CYP4F22: variants seen among roughly 807,000 people sequenced by gnomAD.
CYP4F22 encodes the protein cytochrome P450 family 4 subfamily F member 22.
A neutral mutation model predicts 60.4 loss-of-function variants in CYP4F22; 37 were observed. The ratio of observed to expected loss-of-function variants is 0.61; its 90% CI spans 0.47 to 0.81. CYP4F22 has a LOEUF of 0.81. Ranked by LOEUF, CYP4F22 falls within the 30% of genes least tolerant of loss-of-function variation. CYP4F22 has a pLI of 0.00. For missense variants in CYP4F22, 655 were observed against 715.0 expected (o/e 0.92, Z 0.96); for synonymous variants, 258 against 280.5 (o/e 0.92, Z 0.80).
At chr19:15,512,321 T>G (rs2144493545) in intron 1 of CYP4F22, among the ~76,000 whole-genome samples, 1 of 152,278 alleles carries the variant, frequency 6.6e-6, no homozygotes, top group East Asian at 1.9e-4. Flanking sequence ...AAGTGAACAT[T>G]AAATTAAATT....
intron 10 of CYP4F22, among the ~76,000 whole-genome samples, chr19:15,545,648 C>CAAAAAAAA (rs1217096575): frequency 1.8e-3 from 71 of 38,910 alleles, no homozygotes; most frequent in Middle Eastern, 0.021. Flanking sequence ...GACCCTGTCT[C>CAAAAAAAA]AAAAAAAAAA....
Position 15,519,494 on chromosome 19 carries a change from C to T in CYP4F22, c.-108-4199C>T, listed in dbSNP as rs1971196406. Among the ~76,000 whole-genome samples the T allele has an allele frequency of 3.3e-5, 5 of 152,204 alleles. No individual in the cohort carries two copies. The South Asian group carries it at 1.0e-3, about 32-fold the overall frequency. On this transcript the variant is annotated intron_variant, in intron 1 of 13. Transcript: ENST00000269703. ...GCCAGGCTGGTCTCGAACTCCTGACCTCAAGTGATCCACCCGCCTTGGCCT... is the reference window on the plus strand; with the variant it reads ...GCCAGGCTGGTCTCGAACTCCTGACTTCAAGTGATCCACCCGCCTTGGCCT...
At chr19:15,517,041 G>C (rs1298787790) in intron 1 of CYP4F22, among the ~76,000 whole-genome samples, 1 of 152,098 alleles carries the variant, frequency 6.6e-6, no homozygotes, top group Non-Finnish European at 1.5e-5. Context: ...GGCTGGTCTT[G>C]AACTCCTGAC....
intron 4 of CYP4F22, 139 bp downstream of exon 4, chr19:15,529,992 G>A: frequency 8.1e-7 from 1 of 1,230,038 alleles, no homozygotes; most frequent in Non-Finnish European, 1.2e-6. Context: ...GGCAAAGCAA[G>A]CATGGCAATC....
At chr19:15,525,237 G>A (rs1023604375) in intron 2 of CYP4F22, 99 bp from the exon 3 acceptor site, 153 of 1,172,486 alleles carry the variant, frequency 1.3e-4, no homozygotes, top group Non-Finnish European at 1.7e-4. Flanking sequence ...TGGAACTCAC[G>A]TGTGCTGGGA....
chr19:15,538,693 A>G (rs1472340228), intron 7 of CYP4F22, among the ~76,000 whole-genome samples: 1 of 152,184 alleles, frequency 6.6e-6, no homozygotes, highest in African/African-American at 2.4e-5. Context: ...CAAGCTAATG[A>G]CTTCGTTACT....
At chr19:15,528,904 A>G (rs12104169) in intron 3 of CYP4F22, among the ~76,000 whole-genome samples, 77,758 of 151,864 alleles carry the variant, frequency 0.51, 20,442 homozygotes, top group Middle Eastern at 0.6. Flanking sequence ...GTACTTGATA[A>G]ATGCCAACCA....
At chr19:15,530,542 C>T (rs1457538966) in intron 4 of CYP4F22, among the ~76,000 whole-genome samples, 1 of 152,158 alleles carries the variant, frequency 6.6e-6, no homozygotes, top group Non-Finnish European at 1.5e-5. Flanking sequence ...AGTCAGTTCT[C>T]ACGCTGCTAT....
intron 1 of CYP4F22, among the ~76,000 whole-genome samples, chr19:15,518,423 G>A (rs948022292): frequency 2.0e-5 from 3 of 150,592 alleles, no homozygotes; most frequent in Admixed American, 6.7e-5. Flanking sequence ...GGCGGAACAC[G>A]AGGTCAGGAG....
chr19:15,550,649 T>G (rs762485674), intron 12 of CYP4F22, 25 bp from the exon 13 acceptor site: 14 of 1,613,388 alleles, frequency 8.7e-6, no homozygotes, highest in Non-Finnish European at 1.2e-5. Flanking sequence ...GCCCCCAGAC[T>G]CATCTCCAGG....
chr19:15,545,571 C>T (rs1021934687), intron 10 of CYP4F22, among the ~76,000 whole-genome samples: 2 of 89,320 alleles, frequency 2.2e-5, no homozygotes, highest in Non-Finnish European at 5.5e-5. Context: ...ACTGCTTGAA[C>T]CCAGGAGGTG....
At chr19:15,522,111 C>T (rs549607685) in intron 1 of CYP4F22, among the ~76,000 whole-genome samples, 1 of 148,622 alleles carries the variant, frequency 6.7e-6, no homozygotes, top group East Asian at 2.0e-4. Flanking sequence ...TGCCACTGCA[C>T]TCCAGCCTGG....
intron 8 of CYP4F22, among the ~76,000 whole-genome samples, chr19:15,542,757 G>A (rs578190127): frequency 4.6e-5 from 7 of 151,922 alleles, no homozygotes; most frequent in African/African-American, 1.4e-4. Context: ...CCCTGTGTCC[G>A]TGTGTTTTCA....
intron 4 of CYP4F22, among the ~76,000 whole-genome samples, chr19:15,536,086 C>T (rs1055804391): frequency 6.6e-6 from 1 of 152,136 alleles, no homozygotes; most frequent in Non-Finnish European, 1.5e-5. Flanking sequence ...TGCCTGTAGT[C>T]CCAGCACTTT....
chr19:15,520,702 C>T (rs1971214138), intron 1 of CYP4F22, among the ~76,000 whole-genome samples: 1 of 152,076 alleles, frequency 6.6e-6, no homozygotes, highest in Admixed American at 6.5e-5. Context: ...ATTTTCCTGC[C>T]TCAGCCTCCC....
At chr19:15,527,258 C>T (rs114205152) in intron 3 of CYP4F22, among the ~76,000 whole-genome samples, 3 of 152,212 alleles carry the variant, frequency 2.0e-5, no homozygotes, top group Admixed American at 6.5e-5. Flanking sequence ...TGCTTACACA[C>T]CCTCCATGGC....
chr19:15,536,136 C>T (rs548313994), intron 4 of CYP4F22, among the ~76,000 whole-genome samples: 1 of 151,686 alleles, frequency 6.6e-6, no homozygotes, highest in Non-Finnish European at 1.5e-5. Context: ...CTCAGGAGTT[C>T]AAGACCAGCC....
intron 1 of CYP4F22, among the ~76,000 whole-genome samples, chr19:15,521,719 G>A (rs1159392250): frequency 6.6e-6 from 1 of 152,128 alleles, no homozygotes; most frequent in East Asian, 1.9e-4. Context: ...CACCCAGGCT[G>A]GGGTGCAGTC....
chr19:15,525,529 C>G lies in CYP4F22; in HGVS notation c.193C>G (p.Arg65Gly). The part of the protein sequence containing the change: ...RLRCFPQPPR[R>G]NWLLGHLGMY... Reference sequence around the variant, plus strand: ...GCGCTGCTTCCCCCAGCCTCCCCGGCGCAACTGGCTGCTGGGCCACCTGGG... The same window carrying G: ...GCGCTGCTTCCCCCAGCCTCCCCGGGGCAACTGGCTGCTGGGCCACCTGGG... The change falls in exon 3 of 14, where the codon CGC (arginine) becomes GGC (glycine). Residue 65 changes from arginine to glycine, a missense_variant. This residue lies in a region of CYP4F22 where 430 missense variants were observed against 457.1 expected (regional missense o/e 0.94). Transcript: ENST00000269703. The G allele has an allele frequency of 6.2e-7, 1 of 1,611,082 alleles. No individual in the cohort carries two copies. Among genetic ancestry groups the G allele is most frequent in the South Asian group, 1.1e-5 (1 of 91,074 alleles).
Sources: gnomAD v4.1 joint callset for allele counts (sites outside exome capture counted in the v4.1 genomes callset) on GRCh38, gnomAD v4.1.1 for gene constraint, gnomAD v4.1.1 regional missense constraint, MANE v1.5 for transcripts, NCBI Gene and HGNC (gene_info 2026-07-23, HGNC 2026-07-21) for gene names.